Variants in PPTC7 observed in about 807,000 individuals in gnomAD.
PPTC7 encodes protein phosphatase targeting COQ7.
A neutral mutation model predicts 30.8 loss-of-function variants in PPTC7; 6 were observed. That is an observed-to-expected ratio of 0.19 (90% confidence interval 0.11 to 0.38). PPTC7 has a LOEUF of 0.38. PPTC7 is among the 10% of genes least tolerant of loss of function. The pLI, the probability that PPTC7 is intolerant of heterozygous loss-of-function variation, is 1.00. For missense variants in PPTC7, 218 were observed against 404.8 expected, an observed-to-expected ratio of 0.54 and a Z score of 3.96; for synonymous variants, 163 against 168.1, an observed-to-expected ratio of 0.97 and a Z score of 0.23.
intron 2 of PPTC7, among the ~76,000 whole-genome samples, chr12:110,549,013 A>G (rs1027529279): frequency 6.6e-6 from 1 of 152,194 alleles, no homozygotes; most frequent in African/African-American, 2.4e-5. Context: ...TGAGAACCAC[A>G]GTGTAGGATG....
At chr12:110,545,353 A>G (rs1161992499) in intron 3 of PPTC7, among the ~76,000 whole-genome samples, 1 of 152,220 alleles carries the variant, frequency 6.6e-6, no homozygotes, top group Non-Finnish European at 1.5e-5. Context: ...TCAGCCTCCC[A>G]AAGTCCTGGG....
At chr12:110,568,568 C>T (rs928781977) in intron 1 of PPTC7, among the ~76,000 whole-genome samples, 46 of 152,152 alleles carry the variant, frequency 3.0e-4, no homozygotes, top group Admixed American at 3.0e-3. Context: ...CATATTCTTT[C>T]ACACCAGTCC....
chr12:110,563,824 T>C (rs536649584), intron 1 of PPTC7, among the ~76,000 whole-genome samples: 17 of 152,346 alleles, frequency 1.1e-4, no homozygotes, highest in South Asian at 6.2e-4. Flanking sequence ...GAATACTTCA[T>C]TAACTAGAGA....
At position 110,563,899 on chromosome 12, in the gene PPTC7, G is replaced by A. The variant is rs61942608; in HGVS notation, c.224-11931C>T. On this transcript the variant is annotated intron_variant, in intron 1 of 5. Transcript: ENST00000354300. ...AAAAAGCAGTGAAAAGTGCTGACATGAGGATTAGGAAACAATTGTGTGAAG... is the reference window on the plus strand; with the variant it reads ...AAAAAGCAGTGAAAAGTGCTGACATAAGGATTAGGAAACAATTGTGTGAAG... Among the ~76,000 whole-genome samples, 158 of 152,336 alleles carry A rather than the reference G, an allele frequency of 1.0e-3. 2 individuals are homozygous for A. Among genetic ancestry groups the A allele is most frequent in the Non-Finnish European group, 9.6e-4 (65 of 68,024 alleles).
Position 110,582,822 on chromosome 12 carries a change from G to C in PPTC7, c.210C>G (p.Ser70=), listed in dbSNP as rs1235741535. 1.2e-5 allele frequency: 18 copies of C among 1,560,798 alleles called. No homozygotes were observed. Among genetic ancestry groups the C allele is most frequent in the Non-Finnish European group, 1.6e-5 (18 of 1,153,058 alleles). ...TCGGGGACTCACCGAGCACGTCCGCGGAACGGTGCCGGGCCACGAAGCACG... is the reference window on the plus strand; with the variant it reads ...TCGGGGACTCACCGAGCACGTCCGCCGAACGGTGCCGGGCCACGAAGCACG... The part of the protein sequence containing the change: ...DDACFVARHR[S]ADVLGVADGV... Residue 70 remains serine (S), a synonymous_variant, in exon 1 of 6, where the codon TCC becomes TCG. Transcript: ENST00000354300.
intron 1 of PPTC7, among the ~76,000 whole-genome samples, chr12:110,577,166 CAAAAAAAAAAA>C (rs34958891): frequency 1.2e-5 from 1 of 81,196 alleles, no homozygotes; most frequent in Non-Finnish European, 2.3e-5. Context: ...GACTCTGTCT[CAAAAAAAAAAA>C]AAAAAAAAAA....
At chr12:110,564,835 GTTATA>G (rs2064468670) in intron 1 of PPTC7, among the ~76,000 whole-genome samples, 1 of 112,398 alleles carries the variant, frequency 8.9e-6, no homozygotes, top group African/African-American at 4.3e-5. Flanking sequence ...ATACATACAC[GTTATA>G]TATATATACA....
Position 110,581,113 on chromosome 12 carries a change from C to A in PPTC7, c.223+1696G>T, listed in dbSNP as rs147480056. ...TATCCCCTATCCTATGTTATGAACACAACTTTAAGAAGCAACACAGGGGCC... is the reference window on the plus strand; with the variant it reads ...TATCCCCTATCCTATGTTATGAACAAAACTTTAAGAAGCAACACAGGGGCC... On this transcript the variant is annotated intron_variant, in intron 1 of 5. Transcript: ENST00000354300. Among the ~76,000 whole-genome samples the A allele has an allele frequency of 8.5e-3, 1,287 of 152,164 alleles. 71 individuals carry two copies. Among genetic ancestry groups the A allele is most frequent in the Admixed American group, 0.077 (1,173 of 15,272 alleles).
At chr12:110,541,345 G>A (rs1033618650) in intron 3 of PPTC7, among the ~76,000 whole-genome samples, 2 of 151,394 alleles carry the variant, frequency 1.3e-5, no homozygotes, top group African/African-American at 4.9e-5. Flanking sequence ...AGCCAAGATC[G>A]TGCCACTGCC....
intron 1 of PPTC7, among the ~76,000 whole-genome samples, chr12:110,568,867 C>T (rs1280666946): frequency 6.6e-6 from 1 of 152,184 alleles, no homozygotes; most frequent in Non-Finnish European, 1.5e-5. Flanking sequence ...AAAGAGAAGG[C>T]TGCCAGGCAA....
chr12:110,559,399 T>C (rs1359983133), intron 1 of PPTC7, among the ~76,000 whole-genome samples: 1 of 150,952 alleles, frequency 6.6e-6, no homozygotes, highest in Non-Finnish European at 1.5e-5. Flanking sequence ...TAAGTGTTTA[T>C]AAGAAGAAAA....
At chr12:110,578,667 T>C (rs2064609572) in intron 1 of PPTC7, among the ~76,000 whole-genome samples, 1 of 152,192 alleles carries the variant, frequency 6.6e-6, no homozygotes, top group African/African-American at 2.4e-5. Context: ...CAGTGAATAA[T>C]CTGTTACACG....
At position 110,534,203 on chromosome 12, in the gene PPTC7, AAAC is replaced by A. The variant is rs893568798; in HGVS notation, c.*2831_*2833del. 3.3e-5 allele frequency: 5 copies of A among 152,230 alleles called. No individual in the cohort carries two copies. The highest frequency in any genetic ancestry group is 3.4e-3 in the Middle Eastern group (1 of 294). The allele number at this position is 152,230 out of a possible 1,614,324, so 9.4% of individuals were successfully genotyped here. A position where few individuals can be genotyped will look rare whatever the true frequency, so the allele number is the denominator to read the frequency against. On this transcript the variant is annotated 3_prime_UTR_variant, in exon 6 of 6. Transcript: ENST00000354300. ...TGATATGTTTAGAGTGCACATTTTA[AAAC>A]AACAAAATAAAAATTTCAAGCATGT...
chr12:110,572,327 C>T (rs1204183879), intron 1 of PPTC7, among the ~76,000 whole-genome samples: 1 of 152,044 alleles, frequency 6.6e-6, no homozygotes. Flanking sequence ...GCCTGTAGTC[C>T]CAGCTACTAG....
chr12:110,575,607 CAAAAAA>C (rs55831249), intron 1 of PPTC7, among the ~76,000 whole-genome samples: 1 of 26,520 alleles, frequency 3.8e-5, no homozygotes, highest in South Asian at 2.4e-3. Context: ...AACCCCACCT[CAAAAAA>C]AAAAAAAAAA....
At chr12:110,557,040 T>C (rs2064394537) in intron 1 of PPTC7, among the ~76,000 whole-genome samples, 1 of 151,888 alleles carries the variant, frequency 6.6e-6, no homozygotes, top group Admixed American at 6.6e-5. Flanking sequence ...AGGGAGAAGC[T>C]GAAAAATGAA....
Position 110,539,292 on chromosome 12 carries a change from TTAGAGG to T in PPTC7, c.726+524_726+529del, listed in dbSNP as rs545562357. Reference sequence around the variant, plus strand: ...AGAAACGTACCCAAAGTCATACTGGTTAGAGGTAAAGACTCATGAGAAAAAGACTCA... The same window carrying T: ...AGAAACGTACCCAAAGTCATACTGGTTAAAGACTCATGAGAAAAAGACTCA... On this transcript the variant is annotated intron_variant, in intron 4 of 5. Transcript: ENST00000354300. Among the ~76,000 whole-genome samples, 10 of 152,178 alleles carry T rather than the reference TTAGAGG, an allele frequency of 6.6e-5. No individual in the cohort carries two copies. In the South Asian group the frequency reaches 2.1e-3, roughly 32 times the overall value.
At chr12:110,556,147 C>T (rs2135776964) in intron 1 of PPTC7, among the ~76,000 whole-genome samples, 3 of 152,342 alleles carry the variant, frequency 2.0e-5, no homozygotes, top group South Asian at 2.1e-4. Flanking sequence ...TGACCTGACA[C>T]AGCCCTTCAA....
At chr12:110,576,376 G>T (rs1315986100) in intron 1 of PPTC7, among the ~76,000 whole-genome samples, 1 of 151,928 alleles carries the variant, frequency 6.6e-6, no homozygotes, top group African/African-American at 2.4e-5. Context: ...CTACTCCTAG[G>T]TATATATCCC....
Sources: gnomAD v4.1 joint callset for allele counts (sites outside exome capture counted in the v4.1 genomes callset) on GRCh38, gnomAD v4.1.1 for gene constraint, MANE v1.5 for transcripts, NCBI Gene and HGNC (gene_info 2026-07-23, HGNC 2026-07-21) for gene names.